SCNN1D: variants seen among roughly 807,000 people sequenced by gnomAD.
SCNN1D encodes the protein epithelial sodium channel subunit delta.
A neutral mutation model predicts 87.8 loss-of-function variants in SCNN1D; 104 were observed. The observed-to-expected ratio is 1.18, with a 90% CI of 1.01 to 1.39. SCNN1D has a LOEUF of 1.39. Among genes scored for constraint, SCNN1D ranks in the 40% most tolerant of loss-of-function variants. SCNN1D has a pLI of 0.00. For synonymous variants in SCNN1D, 628 were observed against 481.2 expected, an observed-to-expected ratio of 1.31 and a Z score of -3.99; for missense variants, 1,324 against 1,093.9, an observed-to-expected ratio of 1.21 and a Z score of -2.97.
intron 1 of SCNN1D, 111 bp from the exon 2 acceptor site, chr1:1,281,115 G>T: frequency 9.7e-7 from 1 of 1,025,724 alleles, no homozygotes; most frequent in Non-Finnish European, 1.4e-6. Context: ...TCCCAGGGCT[G>T]ACTCAGAGTG....
At chr1:1,290,181 G>GTCCCGTGTCTCTGCTCCA (rs2100347455) in intron 12 of SCNN1D, 90 bp from the exon 13 acceptor site, 2 of 707,334 alleles carry the variant, frequency 2.8e-6, no homozygotes, top group South Asian at 2.1e-5. Context: ...TCCCTGCTCC[G>GTCCCGTGTCTCTGCTCCA]TCCCGTGTCC....
In SCNN1D at chr1:1,285,666, T is replaced by G; in HGVS notation, c.558+2T>G. On this transcript the variant is annotated splice_donor_variant, in intron 6 of 17. Transcript: ENST00000379116. LOFTEE classifies it high-confidence loss of function. ...AACGCTGCCTGCAAACAGGGCCAGG[T>G]AGGGCCTGAGCACCCTGTTCTCTGA... 6.5e-7 allele frequency: 1 copy of G among 1,537,466 alleles called. No individual in the cohort carries two copies. The highest frequency in any genetic ancestry group is 8.8e-7 in the Non-Finnish European group (1 of 1,139,954).
chr1:1,286,328 C>T (rs770331628), intron 7 of SCNN1D, 50 bp downstream of exon 7: 2 of 1,411,500 alleles, frequency 1.4e-6, no homozygotes, highest in Non-Finnish European at 1.9e-6. Context: ...AGCTCCTTGC[C>T]CCTGTGACCG....
Position 1,284,011 on chromosome 1 carries a change from C to G in SCNN1D, c.385C>G (p.Gln129Glu). The change falls in exon 5 of 18, where the codon CAG becomes GAG. Residue 129 changes from glutamine (Q) to glutamate (E), a missense_variant. Transcript: ENST00000379116. ...AGGCTCCATCCTGCTTCAGAGCTGC[C>G]AGCTGCCCCCGCAATGGCTGAGCAC... ...ARGSILLQSC[Q>E]LPPQWLSTEA... is the part of the protein sequence containing the mutation. The G allele has an allele frequency of 6.9e-7, 1 of 1,441,032 alleles. No individual in the cohort carries two copies. The highest frequency in any genetic ancestry group is 9.1e-7 in the Non-Finnish European group (1 of 1,103,888). The allele number at this position is 1,441,032 out of a possible 1,614,324, so 89.3% of individuals were successfully genotyped here. A position where few individuals can be genotyped will look rare whatever the true frequency, so the allele number is the denominator to read the frequency against.
In SCNN1D at chr1:1,280,545, C is replaced by A; in HGVS notation, c.-117C>A. The A allele has an allele frequency of 1.5e-6, 1 of 657,364 alleles. No homozygotes were observed. Among genetic ancestry groups the A allele is most frequent in the Admixed American group, 2.1e-5 (1 of 48,300 alleles). The allele number at this position is 657,364 out of a possible 1,614,324, so 40.7% of individuals were successfully genotyped here. A position where few individuals can be genotyped will look rare whatever the true frequency, so the allele number is the denominator to read the frequency against. ...GGCGTTGTGCAGATGAAGGTCTTATCGCAGATGAAGCCACCAGGTCACAAG... is the reference window on the plus strand; with the variant it reads ...GGCGTTGTGCAGATGAAGGTCTTATAGCAGATGAAGCCACCAGGTCACAAG... On this transcript the variant is annotated 5_prime_UTR_variant, in exon 1 of 18. The change creates a premature stop within an existing upstream ORF in the 5' untranslated region. Transcript: ENST00000379116.
intron 5 of SCNN1D, among the ~76,000 whole-genome samples, chr1:1,284,895 C>G (rs1196839234): frequency 6.6e-6 from 1 of 152,170 alleles, no homozygotes; most frequent in Non-Finnish European, 1.5e-5. Context: ...CTGACTGGCC[C>G]TCCAGACCCC....
At chr1:1,281,759 C>T in intron 3 of SCNN1D, 149 bp downstream of exon 3, 1 of 740,802 alleles carries the variant, frequency 1.3e-6, no homozygotes, top group South Asian at 1.9e-5. Context: ...CCGGCCAGGG[C>T]TCCCCCTCCT....
rs146703116 is a variant in SCNN1D at position 1,287,149 on chromosome 1, C to G, written c.1160C>G (p.Thr387Arg). 1 of 1,607,522 alleles carries G rather than the reference C, an allele frequency of 6.2e-7. No homozygotes were observed. Reference sequence around the variant, plus strand: ...GGCGACTGCTTTTACCGAGGCTACACGTCAGGCGTGGCGGCTGTCCAGGAC... The same window carrying G: ...GGCGACTGCTTTTACCGAGGCTACAGGTCAGGCGTGGCGGCTGTCCAGGAC... ...TGGDCFYRGY[T>R]SGVAAVQDWY... Residue 387 changes from threonine to arginine, a missense_variant, in exon 9 of 18, where the codon ACG becomes AGG. Coordinates refer to ENST00000379116, the MANE Select transcript of SCNN1D (RefSeq NM_001130413.4).
In SCNN1D at chr1:1,286,814, A is replaced by G. The variant is rs2100326891; in HGVS notation, c.958A>G (p.Arg320Gly). The G allele has an allele frequency of 6.2e-7, 1 of 1,612,678 alleles. No homozygotes were observed. Among genetic ancestry groups the G allele is most frequent in the African/African-American group, 1.3e-5 (1 of 75,038 alleles). The change falls in exon 8 of 18, where the codon AGG becomes GGG. Residue 320 changes from arginine (R) to glycine (G), a missense_variant. Coordinates refer to ENST00000379116, the MANE Select transcript of SCNN1D (RefSeq NM_001130413.4). ...TCTGGAGCTGCTGGACGAGTTTGCC[A>G]GGGAGAACATTGACTCCCTGTACAA... Reference protein sequence around the residue: ...RHLELLDEFARENIDSLYNVN... With the variant: ...RHLELLDEFAGENIDSLYNVN...
chr1:1,287,339 C>A, intron 9 of SCNN1D, 40 bp downstream of exon 9: 2 of 1,529,630 alleles, frequency 1.3e-6, no homozygotes, highest in Non-Finnish European at 1.8e-6. Flanking sequence ...CCGTCCCACC[C>A]CACAGAGCGT....
Position 1,291,438 on chromosome 1 carries a change from C to G in SCNN1D, c.2237C>G (p.Ser746Cys), listed in dbSNP as rs770582759. The change falls in exon 18 of 18, where the codon TCC (serine) becomes TGC (cysteine). Residue 746 changes from serine to cysteine, a missense_variant. Coordinates refer to ENST00000379116, the MANE Select transcript of SCNN1D (RefSeq NM_001130413.4). ...AGAGCCAGCCCTGCCTCAGGGGCGT[C>G]CAGCATCAAGCCAGAGGCCAGTCAG... The part of the protein sequence containing the change: ...WPRASPASGA[S>C]SIKPEASQMP... 15 of 1,607,634 alleles carry G rather than the reference C, an allele frequency of 9.3e-6. No individual in the cohort carries two copies. Among genetic ancestry groups the G allele is most frequent in the Non-Finnish European group, 1.1e-5 (13 of 1,177,394 alleles).
In SCNN1D at chr1:1,284,022, G is replaced by T. The variant is rs372458361; in HGVS notation, c.396G>T (p.Pro132=). ...SILLQSCQLP[P]QWLSTEAWTG... is the part of the protein sequence containing the mutation. ...TGCTTCAGAGCTGCCAGCTGCCCCCGCAATGGCTGAGCACCGAAGCATGGA... is the reference window on the plus strand; with the variant it reads ...TGCTTCAGAGCTGCCAGCTGCCCCCTCAATGGCTGAGCACCGAAGCATGGA... The change falls in exon 5 of 18, where the codon CCG becomes CCT. Residue 132 remains proline, a synonymous_variant. Transcript: ENST00000379116. The T allele has an allele frequency of 3.8e-4, 546 of 1,420,056 alleles. No individual in the cohort carries two copies. The highest frequency in any genetic ancestry group is 4.7e-4 in the Non-Finnish European group (518 of 1,092,664). 88.0% of individuals were successfully genotyped at this position (1,420,056 alleles called of 1,614,324 possible). A position where few individuals can be genotyped will look rare whatever the true frequency, so the allele number is the denominator to read the frequency against.
rs112944714 is a variant in SCNN1D, at chr1:1,291,828, G to A, written c.*218G>A. On this transcript the variant is annotated 3_prime_UTR_variant, in exon 18 of 18. Transcript: ENST00000379116. The stretch of plus-strand genomic sequence containing the variant: ...AGGCCCGGGGCGGAGGGGGGTTCCC[G>A]CGTGCACACGAGTGCGGCTGGACGT... 5.3e-5 allele frequency: 24 copies of A among 453,596 alleles called. No individual in the cohort carries two copies. The highest frequency in any genetic ancestry group is 1.0e-4 in the African/African-American group (5 of 49,742). The allele number at this position is 453,596 out of a possible 1,614,324, so 28.1% of individuals were successfully genotyped here.
chr1:1,291,211 C>T (rs754327274), intron 17 of SCNN1D, 43 bp from the exon 18 acceptor site: 8 of 1,576,260 alleles, frequency 5.1e-6, no homozygotes, highest in South Asian at 3.4e-5. Flanking sequence ...AGAAGGGGCA[C>T]GGGGGCCTGG....
At position 1,281,301 on chromosome 1, in the gene SCNN1D, A is replaced by G. The variant is rs2100306104; in HGVS notation, c.77+4A>G. On this transcript the variant is annotated splice_donor_region_variant and intron_variant, in intron 2 of 17. Transcript: ENST00000379116. The stretch of plus-strand genomic sequence containing the variant: ...GCCACCTCAGCGGCCCAAGGAGGTG[A>G]GCTCACAGCCATGCTCGGTCAATGG... 1 of 1,535,768 alleles carries G rather than the reference A, an allele frequency of 6.5e-7. No individual in the cohort carries two copies. The highest frequency in any genetic ancestry group is 2.0e-5 in the Admixed American group (1 of 51,000).
In SCNN1D at chr1:1,291,549, C is replaced by G. The variant is rs149303666; in HGVS notation, c.2348C>G (p.Ala783Gly). ...LPRVMLPGVL[A>G]GVSAEESWAG... ...CGGGTGATGCTTCCAGGGGTTCTGG[C>G]GGGAGTCTCAGCCGAAGAGAGCTGG... is the stretch of plus-strand genomic sequence containing the variant. The change falls in exon 18 of 18, where the codon GCG becomes GGG. Residue 783 changes from alanine (A) to glycine (G), a missense_variant. Ala to Gly is a moderately conservative substitution (Grantham distance 60). Transcript: ENST00000379116. The G allele has an allele frequency of 6.3e-7, 1 of 1,593,002 alleles. No homozygotes were observed. The highest frequency in any genetic ancestry group is 8.6e-7 in the Non-Finnish European group (1 of 1,166,720).
intron 16 of SCNN1D, 55 bp downstream of exon 16, chr1:1,291,008 C>T: frequency 8.1e-6 from 13 of 1,595,890 alleles, no homozygotes; most frequent in South Asian, 2.2e-5. Context: ...CCCTCAAAGC[C>T]CCCCTCCCCA....
chr1:1,290,973 C>CA lies in SCNN1D; in HGVS notation c.1976+20_1976+21insA, dbSNP rs1171861169. 6.2e-7 allele frequency: 1 copy of CA among 1,600,098 alleles called. No individual in the cohort carries two copies. Among genetic ancestry groups the CA allele is most frequent in the East Asian group, 2.3e-5 (1 of 44,284 alleles). On this transcript the variant is annotated intron_variant, in intron 16 of 17. Transcript: ENST00000379116. ...ACAGAGGTGGGTGCACCCTCCCCCTCCAGAGAGGCATCACAGCCCCTCTCC... is the reference window on the plus strand; with the variant it reads ...ACAGAGGTGGGTGCACCCTCCCCCTCACAGAGAGGCATCACAGCCCCTCTCC...
At chr1:1,282,378 C>T in intron 4 of SCNN1D, 63 bp downstream of exon 4, 2 of 1,530,958 alleles carry the variant, frequency 1.3e-6, no homozygotes, top group Non-Finnish European at 1.8e-6. Flanking sequence ...GGCTGGGCTC[C>T]CCCAGCCAAG....
Sources: allele counts gnomAD v4.1 joint callset (sites outside exome capture counted in the v4.1 genomes callset), GRCh38; gene constraint gnomAD v4.1.1; transcripts MANE v1.5; gene names NCBI Gene and HGNC (gene_info 2026-07-23, HGNC 2026-07-21).